The following TMEM232 variants were observed in gnomAD, a reference collection of about 807,000 sequenced individuals.
TMEM232 encodes transmembrane protein 232.
A neutral mutation model predicts 78.8 loss-of-function variants in TMEM232; 80 were observed. The observed-to-expected ratio is 1.01, with a 90% CI of 0.85 to 1.22. TMEM232 has a LOEUF of 1.22. Ranked by LOEUF, TMEM232 falls within the 50% of genes most tolerant of loss-of-function variation. The pLI, the probability that TMEM232 is intolerant of heterozygous loss-of-function variation, is 0.00. For synonymous variants in TMEM232, 297 were observed against 254.3 expected, an observed-to-expected ratio of 1.17 and a Z score of -1.60; for missense variants, 881 against 742.2, an observed-to-expected ratio of 1.19 and a Z score of -2.17.
chr5:110,416,050 C>A (rs1373621679), downstream of TMEM232, among the ~76,000 whole-genome samples: 1 of 152,052 alleles, frequency 6.6e-6, no homozygotes, highest in African/African-American at 2.4e-5. Flanking sequence ...ATGAAAAATG[C>A]ATGTAGCAGA....
chr5:110,477,008 C>G (rs1014401667), intron 12 of TMEM232, among the ~76,000 whole-genome samples: 7 of 151,884 alleles, frequency 4.6e-5, no homozygotes, highest in Non-Finnish European at 8.8e-5. Flanking sequence ...GAAATCAGAT[C>G]TCCTTTTGGG....
intron 2 of TMEM232, among the ~76,000 whole-genome samples, chr5:110,405,464 G>A (rs1755753648): frequency 6.6e-6 from 1 of 151,446 alleles, no homozygotes; most frequent in Admixed American, 6.6e-5. Flanking sequence ...GAAATTTCCG[G>A]GTATTAGATT....
intron 12 of TMEM232, among the ~76,000 whole-genome samples, chr5:110,510,307 G>C (rs1767565988): frequency 6.6e-6 from 1 of 152,068 alleles, no homozygotes. Flanking sequence ...CCCCAACTCT[G>C]CCTTGTCCTC....
intron 1 of TMEM232, chr5:110,720,525 C>T (rs1204534783): frequency 6.6e-6 from 1 of 152,092 alleles, no homozygotes; most frequent in Non-Finnish European, 1.5e-5. Context: ...GTTCAGCTTA[C>T]CTTATGTTGC....
At chr5:110,724,903 C>T (rs974320121) in intron 1 of TMEM232, among the ~76,000 whole-genome samples, 3 of 151,766 alleles carry the variant, frequency 2.0e-5, no homozygotes, top group East Asian at 3.9e-4. Context: ...GCTAGTAATC[C>T]TAAAGTCGAT....
At chr5:110,511,058 T>C (rs1767673730) in intron 12 of TMEM232, among the ~76,000 whole-genome samples, 1 of 152,106 alleles carries the variant, frequency 6.6e-6, no homozygotes, top group African/African-American at 2.4e-5. Flanking sequence ...TGCCCATCAA[T>C]GACAGACTAG....
chr5:110,505,971 T>C (rs574534879), intron 12 of TMEM232, among the ~76,000 whole-genome samples: 2 of 152,362 alleles, frequency 1.3e-5, no homozygotes, highest in East Asian at 3.9e-4. Flanking sequence ...TCAACAGTGC[T>C]GTCCACAGGT....
At chr5:110,725,215 T>C (rs1381730765) in intron 1 of TMEM232, among the ~76,000 whole-genome samples, 3 of 152,204 alleles carry the variant, frequency 2.0e-5, no homozygotes, top group Non-Finnish European at 4.4e-5. Context: ...GAGAAACCAC[T>C]GGATTAGACA....
At chr5:110,425,519 A>C (rs1390419491) in intron 12 of TMEM232, among the ~76,000 whole-genome samples, 1 of 152,094 alleles carries the variant, frequency 6.6e-6, no homozygotes, top group East Asian at 1.9e-4. Flanking sequence ...AAAAAGAGGC[A>C]GCCAGTGAGA....
chr5:110,713,572 G>A (rs1295102589), intron 1 of TMEM232, among the ~76,000 whole-genome samples: 1 of 151,938 alleles, frequency 6.6e-6, no homozygotes, highest in African/African-American at 2.4e-5. Context: ...TTAAGTTTAT[G>A]AGCTAAAGCA....
At chr5:110,638,461 C>A in intron 4 of TMEM232, 106 bp from the exon 5 acceptor site, 1 of 1,119,740 alleles carries the variant, frequency 8.9e-7, no homozygotes. Context: ...GACCAAATTG[C>A]AGTTTTAAAA....
At chr5:110,728,042 T>C (rs1264697386), upstream of TMEM232, among the ~76,000 whole-genome samples, 2 of 152,084 alleles carry the variant, frequency 1.3e-5, no homozygotes, top group South Asian at 4.2e-4. Context: ...ACCAGGTTAT[T>C]CATAATCAAA....
chr5:110,621,774 T>C (rs1208374089), intron 7 of TMEM232, among the ~76,000 whole-genome samples: 1 of 151,996 alleles, frequency 6.6e-6, no homozygotes, highest in African/African-American at 2.4e-5. Flanking sequence ...TATAACCACT[T>C]CCCACAGTTC....
At chr5:110,507,429 A>G (rs1767041355) in intron 12 of TMEM232, among the ~76,000 whole-genome samples, 1 of 152,162 alleles carries the variant, frequency 6.6e-6, no homozygotes, top group African/African-American at 2.4e-5. Flanking sequence ...CACCACCACT[A>G]CTGCAATATA....
chr5:110,396,108 A>G (rs1465868384), intron 3 of TMEM232, among the ~76,000 whole-genome samples: 1 of 152,182 alleles, frequency 6.6e-6, no homozygotes, highest in African/African-American at 2.4e-5. Context: ...GAAAACTTAC[A>G]ATTGTGGCAG....
chr5:110,423,747 C>A (rs1224086393), intron 13 of TMEM232, among the ~76,000 whole-genome samples: 1 of 151,280 alleles, frequency 6.6e-6, no homozygotes, highest in Non-Finnish European at 1.5e-5. Flanking sequence ...GTTTCTTTAG[C>A]CCTAGACAGA....
At chr5:110,499,598 GAAAAGAGAGGGGA>G (rs1765998493) in intron 12 of TMEM232, among the ~76,000 whole-genome samples, 1 of 147,196 alleles carries the variant, frequency 6.8e-6, no homozygotes, top group African/African-American at 2.6e-5. Context: ...AAGGTGAAAG[GAAAAGAGAGGGGA>G]AAAATATATG....
intron 2 of TMEM232, among the ~76,000 whole-genome samples, chr5:110,408,745 A>G (rs1035061537): frequency 1.3e-5 from 2 of 152,196 alleles, no homozygotes; most frequent in Non-Finnish European, 2.9e-5. Context: ...GGAGACAACA[A>G]CCGAGAACAC....
chr5:110,588,222 T>C (rs921916160), intron 10 of TMEM232, among the ~76,000 whole-genome samples: 2 of 152,136 alleles, frequency 1.3e-5, no homozygotes, highest in Non-Finnish European at 2.9e-5. Context: ...ATATATTTCA[T>C]TCACTACTGT....
Sources: gnomAD v4.1 joint callset for allele counts (sites outside exome capture counted in the v4.1 genomes callset) on GRCh38, gnomAD v4.1.1 for gene constraint, MANE v1.5 for transcripts, NCBI Gene and HGNC (gene_info 2026-07-23, HGNC 2026-07-21) for gene names.